DCK: variants seen among roughly 807,000 people sequenced by gnomAD.
DCK encodes the protein deoxyadenosine kinase.
Under a neutral mutation model 38.3 loss-of-function variants are expected in DCK, and 23 were observed. The ratio of observed to expected loss-of-function variants is 0.60; its 90% confidence interval spans 0.43 to 0.85. DCK has a LOEUF of 0.85. Among genes scored for constraint, DCK ranks in the 40% least tolerant of loss-of-function variants. The probability of loss-of-function intolerance (pLI) is 0.00; values close to 1 mark genes in which losing one functional copy is unlikely to be tolerated. For missense variants in DCK, 259 were observed against 304.4 expected, an observed-to-expected ratio of 0.85 and a Z score of 1.11; for synonymous variants, 108 against 100.6, an observed-to-expected ratio of 1.07 and a Z score of -0.44.
At chr4:70,997,173 G>A (rs1001676217) in intron 1 of DCK, among the ~76,000 whole-genome samples, 3 of 152,166 alleles carry the variant, frequency 2.0e-5, no homozygotes, top group Non-Finnish European at 4.4e-5. Context: ...GACTCTGGTG[G>A]ATGCCTAATT....
chr4:71,016,467 C>T (rs1740264416), intron 2 of DCK, among the ~76,000 whole-genome samples: 1 of 152,136 alleles, frequency 6.6e-6, no homozygotes, highest in African/African-American at 2.4e-5. Context: ...AAAGAGCCCG[C>T]ATTGCCAGGT....
In DCK at chr4:70,998,185, A is replaced by G; in HGVS notation, c.207+3A>G. On this transcript the variant is annotated splice_donor_region_variant and intron_variant, in intron 2 of 6. Coordinates refer to ENST00000286648, the MANE Select transcript of DCK (RefSeq NM_000788.3). ...AAAGTACTCAAGATGAATTTGAGGTATGAAAATAAAATTTAAGTAGATAAA... is the reference window on the plus strand; with the variant it reads ...AAAGTACTCAAGATGAATTTGAGGTGTGAAAATAAAATTTAAGTAGATAAA... The G allele has an allele frequency of 7.4e-6, 11 of 1,490,788 alleles. No homozygotes were observed. Among genetic ancestry groups the G allele is most frequent in the Non-Finnish European group, 1.0e-5 (11 of 1,078,136 alleles). 92.3% of individuals were successfully genotyped at this position (1,490,788 alleles called of 1,614,324 possible). A position where few individuals can be genotyped will look rare whatever the true frequency, so the allele number is the denominator to read the frequency against.
intron 1 of DCK, among the ~76,000 whole-genome samples, chr4:70,995,809 G>A (rs1441255112): frequency 6.6e-6 from 1 of 152,164 alleles, no homozygotes; most frequent in Non-Finnish European, 1.5e-5. Context: ...CAAATGTCAT[G>A]TGTTATCCCC....
intron 2 of DCK, among the ~76,000 whole-genome samples, chr4:71,007,445 A>G (rs1343330364): frequency 6.6e-6 from 1 of 152,182 alleles, no homozygotes; most frequent in Non-Finnish European, 1.5e-5. Flanking sequence ...CAATCACTAT[A>G]TCTTCTTTCC....
At chr4:71,010,752 AAT>A (rs1045055636) in intron 2 of DCK, among the ~76,000 whole-genome samples, 4 of 149,298 alleles carry the variant, frequency 2.7e-5, no homozygotes, top group African/African-American at 7.3e-5. Flanking sequence ...GATGTTTTAA[AAT>A]ATGTCTACAT....
At chr4:71,012,858 C>T (rs1740138203) in intron 2 of DCK, among the ~76,000 whole-genome samples, 1 of 152,222 alleles carries the variant, frequency 6.6e-6, no homozygotes, top group South Asian at 2.1e-4. Context: ...ATCAGAGCGC[C>T]TCTCACCTCC....
At chr4:70,999,685 T>G (rs1327201837) in intron 2 of DCK, among the ~76,000 whole-genome samples, 3 of 152,224 alleles carry the variant, frequency 2.0e-5, no homozygotes, top group Admixed American at 1.3e-4. Context: ...CAGCATCTGT[T>G]GTTTCCTGAC....
chr4:71,007,213 T>G (rs1739966946), intron 2 of DCK, among the ~76,000 whole-genome samples: 1 of 152,220 alleles, frequency 6.6e-6, no homozygotes. Context: ...TTATATCTGA[T>G]TTTTGGGGAA....
In DCK at chr4:71,016,974, A is replaced by G. The variant is rs538873776; in HGVS notation, c.208-5393A>G. On this transcript the variant is annotated intron_variant, in intron 2 of 6. Coordinates refer to ENST00000286648, the MANE Select transcript of DCK (RefSeq NM_000788.3). ...CAAGAGCTTCTGCACAGCAAAAGAAACTACCATCAGAGTGAACAGGCAACC... is the reference window on the plus strand; with the variant it reads ...CAAGAGCTTCTGCACAGCAAAAGAAGCTACCATCAGAGTGAACAGGCAACC... Among the ~76,000 whole-genome samples the G allele has an allele frequency of 4.1e-3, 619 of 152,346 alleles. 5 individuals are homozygous for G. The highest frequency in any genetic ancestry group is 0.014 in the African/African-American group (589 of 41,582).
rs185000119 is a variant in DCK at position 71,028,989 on chromosome 4, G to A, written c.757-363G>A. ...TCAGGCAGGTCTCGAACTCCTGACC[G>A]CAGGTGATCTGCCCGCCTCGGCCTC... On this transcript the variant is annotated intron_variant, in intron 6 of 6. Coordinates refer to ENST00000286648, the MANE Select transcript of DCK (RefSeq NM_000788.3). 2.2e-3 allele frequency among the ~76,000 whole-genome samples: 336 copies of A among 152,094 alleles called. 2 individuals are homozygous for A. Among genetic ancestry groups the A allele is most frequent in the African/African-American group, 7.6e-3 (316 of 41,490 alleles).
rs745621246 is a variant in DCK at position 71,023,743 on chromosome 4, A to G, written c.549+37A>G. ...TAAAAATGTGTTTCACTGAAAATTT[A>G]AAGAAATATTTAGAACTCTTTTCAG... On this transcript the variant is annotated intron_variant, in intron 4 of 6. Coordinates refer to ENST00000286648, the MANE Select transcript of DCK (RefSeq NM_000788.3). The G allele has an allele frequency of 2.6e-5, 41 of 1,587,620 alleles. No homozygotes were observed. The Admixed American group carries it at 2.7e-4, about 11-fold the overall frequency.
chr4:71,027,916 C>G (rs1740580720), intron 6 of DCK, among the ~76,000 whole-genome samples: 1 of 152,164 alleles, frequency 6.6e-6, no homozygotes, highest in Non-Finnish European at 1.5e-5. Flanking sequence ...AGAATCATTT[C>G]ACATTATTAT....
chr4:71,010,231 C>G (rs1270809226), intron 2 of DCK, among the ~76,000 whole-genome samples: 2 of 147,810 alleles, frequency 1.4e-5, no homozygotes, highest in African/African-American at 5.1e-5. Context: ...TGATAAGGTA[C>G]TCCTAATTTT....
intron 1 of DCK, among the ~76,000 whole-genome samples, chr4:70,997,716 A>G: frequency 6.6e-6 from 1 of 152,210 alleles, no homozygotes; most frequent in Non-Finnish European, 1.5e-5. Context: ...ACAGGGAAAG[A>G]GAGAGAACAT....
At chr4:71,024,305 T>A (rs1740497933) in intron 4 of DCK, among the ~76,000 whole-genome samples, 1 of 152,262 alleles carries the variant, frequency 6.6e-6, no homozygotes, top group African/African-American at 2.4e-5. Flanking sequence ...GAAAAGGTGC[T>A]TTTTGTGATA....
rs1739592472 is a variant in DCK at position 70,993,745 on chromosome 4, T to C, written c.-91T>C. ...CTGACCCGGCAGGTCAGGATCTGGC[T>C]TAGCGGCGCCGCGAGCTCCAGTGCG... On this transcript the variant is annotated 5_prime_UTR_variant, in exon 1 of 7. Coordinates refer to ENST00000286648, the MANE Select transcript of DCK (RefSeq NM_000788.3). 5.7e-6 allele frequency: 5 copies of C among 869,622 alleles called. No individual in the cohort carries two copies. Among genetic ancestry groups the C allele is most frequent in the Non-Finnish European group, 7.3e-6 (4 of 547,922 alleles). 53.9% of individuals were successfully genotyped at this position (869,622 alleles called of 1,614,324 possible). A position where few individuals can be genotyped will look rare whatever the true frequency, so the allele number is the denominator to read the frequency against.
chr4:71,014,342 C>T lies in DCK; in HGVS notation c.208-8025C>T, dbSNP rs986267094. On this transcript the variant is annotated intron_variant, in intron 2 of 6. Coordinates refer to ENST00000286648, the MANE Select transcript of DCK (RefSeq NM_000788.3). The stretch of plus-strand genomic sequence containing the variant: ...ATGGGAGACTTTAACACCCCACTGT[C>T]GACATTAGACAGATGAACGAGACAG... 7.2e-5 allele frequency among the ~76,000 whole-genome samples: 11 copies of T among 152,244 alleles called. No homozygotes were observed. The South Asian group carries it at 8.3e-4, about 11-fold the overall frequency.
chr4:71,028,759 A>T (rs1578432086), intron 6 of DCK: 37 of 250,330 alleles, frequency 1.5e-4, no homozygotes, highest in East Asian at 3.2e-4. Flanking sequence ...TGCCTAGCTA[A>T]TTTTTTTTTT....
chr4:71,023,206 T>C (rs1178075725), intron 3 of DCK, among the ~76,000 whole-genome samples: 1 of 152,228 alleles, frequency 6.6e-6, no homozygotes, highest in East Asian at 1.9e-4. Context: ...TTGCTTTACA[T>C]TTTTGCAGAT....
Sources: allele counts gnomAD v4.1 joint callset (sites outside exome capture counted in the v4.1 genomes callset), GRCh38; gene constraint gnomAD v4.1.1; transcripts MANE v1.5; gene names NCBI Gene and HGNC (gene_info 2026-07-23, HGNC 2026-07-21).